The following TEP1 variants were observed in gnomAD, a reference collection of about 807,000 sequenced individuals.
TEP1 encodes the protein telomerase associated protein 1.
TEP1 carries 241 observed loss-of-function variants against 306.3 expected under a neutral mutation model. The ratio of observed to expected loss-of-function variants is 0.79; its 90% confidence interval spans 0.71 to 0.88. TEP1 has a LOEUF of 0.88. Ranked by LOEUF, TEP1 falls within the 40% of genes least tolerant of loss-of-function variation. The probability of loss-of-function intolerance (pLI) is 0.00; values close to 1 mark genes in which losing one functional copy is unlikely to be tolerated. For missense variants in TEP1, 3,051 were observed against 3,276.1 expected (o/e 0.93, Z 1.68); for synonymous variants, 1,289 against 1,305.5 (o/e 0.99, Z 0.27).
chr14:20,391,426 C>A (rs1301806813), intron 13 of TEP1, among the ~76,000 whole-genome samples, 173 bp downstream of exon 13: 1 of 152,208 alleles, frequency 6.6e-6, no homozygotes, highest in Non-Finnish European at 1.5e-5. Flanking sequence ...GTTGAAACAA[C>A]ATCCTAGGAA....
intron 10 of TEP1, 35 bp from the exon 11 acceptor site, chr14:20,395,984 G>A: frequency 6.4e-7 from 1 of 1,574,708 alleles, no homozygotes; most frequent in African/African-American, 1.3e-5. Context: ...CATGAGCACA[G>A]GAGCCGGGAG....
At chr14:20,397,764 T>C (rs1255697771) in intron 9 of TEP1, among the ~76,000 whole-genome samples, 1 of 152,106 alleles carries the variant, frequency 6.6e-6, no homozygotes, top group African/African-American at 2.4e-5. Context: ...TTCTTTTCTT[T>C]TTTTTTTGAG....
chr14:20,383,512 G>A lies in TEP1; in HGVS notation c.3843C>T (p.Asp1281=). 1.2e-6 allele frequency: 2 copies of A among 1,614,208 alleles called. No homozygotes were observed. Among genetic ancestry groups the A allele is most frequent in the South Asian group, 1.1e-5 (1 of 91,086 alleles). The change falls in exon 26 of 55, where the codon GAC becomes GAT. Residue 1281 remains aspartate (D), a synonymous_variant. Coordinates refer to ENST00000262715, the MANE Select transcript of TEP1 (RefSeq NM_007110.5). ...LVDQNGQLIS[D]WIPKKLPRCV... is the part of the protein sequence containing the mutation. ...CCCGGGGAAGCTTCTTTGGGATCCA[G>A]TCTGAAATCAGCTGCCCATTCTGGT...
intron 8 of TEP1, 145 bp from the exon 9 acceptor site, chr14:20,401,286 C>T (rs1485269388): frequency 2.2e-6 from 3 of 1,369,422 alleles, no homozygotes; most frequent in African/African-American, 1.5e-5. Flanking sequence ...GTCATGTTTA[C>T]AGGTGAGTCA....
Position 20,387,958 on chromosome 14 carries a change from G to C in TEP1, c.2631C>G (p.Leu877=). The C allele has an allele frequency of 1.2e-6, 2 of 1,614,140 alleles. No individual in the cohort carries two copies. The highest frequency in any genetic ancestry group is 2.2e-5 in the South Asian group (2 of 91,050). Residue 877 remains leucine (L), a synonymous_variant, in exon 18 of 55, where the codon CTC becomes CTG. Transcript: ENST00000262715. ...TTGGAGTGTCCTCTTCCAGTGGCCG[G>C]AGAGACTGGACCCCTGTCTTTCCTG... The part of the protein sequence containing the change: ...PPPGKTGVQS[L]RPLEEDTPSP...
chr14:20,381,720 G>A lies in TEP1; in HGVS notation c.4425-34C>T. The A allele has an allele frequency of 6.4e-7, 1 of 1,561,266 alleles. No homozygotes were observed. Among genetic ancestry groups the A allele is most frequent in the Non-Finnish European group, 8.6e-7 (1 of 1,156,208 alleles). ...GTGTGAGGAAGGGAGAGAGAAGAAG[G>A]AAGAGGCCTGTCAGTGAGCTTCCTG... On this transcript the variant is annotated intron_variant, in intron 30 of 54. Coordinates refer to ENST00000262715, the MANE Select transcript of TEP1 (RefSeq NM_007110.5). This position sits in a 1 kb window ranked among gnomAD's most constrained non-coding sequence, Gnocchi z 4.0.
At chr14:20,378,896 C>T (rs778774549) in intron 36 of TEP1, 43 bp from the exon 37 acceptor site, 2 of 1,613,834 alleles carry the variant, frequency 1.2e-6, no homozygotes, top group South Asian at 2.2e-5. Flanking sequence ...CCCTGGCCAT[C>T]AGCTCCCTCC....
At chr14:20,393,566 T>C (rs1566470217) in intron 12 of TEP1, among the ~76,000 whole-genome samples, 1 of 152,110 alleles carries the variant, frequency 6.6e-6, no homozygotes, top group East Asian at 1.9e-4. Flanking sequence ...CCGAGGTAGT[T>C]GGATCACTTG....
chr14:20,381,980 C>T lies in TEP1; in HGVS notation c.4357G>A (p.Ala1453Thr), dbSNP rs1388587466. Residue 1453 changes from alanine (A) to threonine (T), a missense_variant, in exon 30 of 55, where the codon GCT (alanine) becomes ACT (threonine). By Grantham distance (58) the Ala-to-Thr change is moderately conservative. Around this residue, in one of 3 missense-constraint regions of TEP1, gnomAD observed 1,540 missense variants for 1,705.9 expected, o/e 0.90. Transcript: ENST00000262715. This position sits in a 1 kb window ranked among gnomAD's most constrained non-coding sequence, Gnocchi z 4.0. ...TAGGGGTCTCCACTGTTACCAGCAG[C>T]CACTGCTTCTTCCCAGCTCTTAGTC... ...KGTKSWEEAV[A>T]AGNSGDPYPM... The T allele has an allele frequency of 1.9e-6, 3 of 1,614,056 alleles. No individual in the cohort carries two copies. The African/African-American group carries it at 4.0e-5, about 22-fold the overall frequency.
chr14:20,375,486 A>C (rs975313626), intron 43 of TEP1, among the ~76,000 whole-genome samples: 1 of 152,190 alleles, frequency 6.6e-6, no homozygotes, highest in African/African-American at 2.4e-5. Context: ...TCCCTGGCTC[A>C]GCTTCATCAT....
At position 20,401,094 on chromosome 14, in the gene TEP1, G is replaced by C; in HGVS notation, c.1439C>G (p.Pro480Arg). ...QLFSRSRLPG[P>R]WDSSRAGKRM... ...CTTCCCAGCTCTGCTAGAATCCCAA[G>C]GCCCAGGAAGGCGACTTCGAGAAAA... The change falls in exon 9 of 55, where the codon CCT becomes CGT. Residue 480 changes from proline to arginine, a missense_variant. By Grantham distance (103) the Pro-to-Arg change is moderately radical. This residue lies in a region of TEP1 where 1,507 missense variants were observed against 1,550.5 expected (regional missense o/e 0.97). Coordinates refer to ENST00000262715, the MANE Select transcript of TEP1 (RefSeq NM_007110.5). The C allele has an allele frequency of 6.2e-6, 10 of 1,614,174 alleles. No individual in the cohort carries two copies. Among genetic ancestry groups the C allele is most frequent in the Non-Finnish European group, 8.5e-6 (10 of 1,180,036 alleles).
intron 12 of TEP1, among the ~76,000 whole-genome samples, chr14:20,393,702 G>T (rs1437696746): frequency 6.6e-6 from 1 of 151,882 alleles, no homozygotes; most frequent in Non-Finnish European, 1.5e-5. Flanking sequence ...TGAGGCACGA[G>T]AATCACTTGA....
chr14:20,378,688 G>A, intron 37 of TEP1, 66 bp downstream of exon 37: 1 of 1,590,486 alleles, frequency 6.3e-7, no homozygotes, highest in Non-Finnish European at 8.6e-7. Context: ...CGCACTGAGA[G>A]AACAAATTCA....
At position 20,403,761 on chromosome 14, in the gene TEP1, G is replaced by A. The variant is rs201304686; in HGVS notation, c.1156C>T (p.Arg386Trp). The A allele has an allele frequency of 4.6e-5, 75 of 1,614,100 alleles. No individual in the cohort carries two copies. The highest frequency in any genetic ancestry group is 4.0e-4 in the Admixed American group (24 of 60,016). Residue 386 changes from arginine (R) to tryptophan (W), a missense_variant, in exon 6 of 55, where the codon CGG becomes TGG. Around this residue, in one of 3 missense-constraint regions of TEP1, gnomAD observed 1,507 missense variants for 1,550.5 expected, o/e 0.97. Coordinates refer to ENST00000262715, the MANE Select transcript of TEP1 (RefSeq NM_007110.5). ...QLAKYNPRKH[R>W]AKRHPRRPPR... The stretch of plus-strand genomic sequence containing the variant: ...GGCCGGCGGGGGTGTCTCTTGGCCC[G>A]GTGCTTCCGAGGGTTGTACTTAGCC...
chr14:20,383,287 C>G lies in TEP1; in HGVS notation c.3934G>C (p.Gly1312Arg). ...GLGETLEQSQ[G>R]AHVLALGPLE... is the part of the protein sequence containing the mutation. ...GGCCCCAAGGCCAGCACGTGGGCACCCTGGCTCTGCTCAAGGGTCTCCCCT... is the reference window on the plus strand; with the variant it reads ...GGCCCCAAGGCCAGCACGTGGGCACGCTGGCTCTGCTCAAGGGTCTCCCCT... The change falls in exon 27 of 55, where the codon GGT (glycine) becomes CGT (arginine). Residue 1312 changes from glycine (G) to arginine (R), a missense_variant. Around this residue, in one of 3 missense-constraint regions of TEP1, gnomAD observed 1,540 missense variants for 1,705.9 expected, o/e 0.90. Coordinates refer to ENST00000262715, the MANE Select transcript of TEP1 (RefSeq NM_007110.5). The G allele has an allele frequency of 6.2e-7, 1 of 1,613,240 alleles. No individual in the cohort carries two copies. Among genetic ancestry groups the G allele is most frequent in the Non-Finnish European group, 8.5e-7 (1 of 1,179,658 alleles).
Position 20,404,747 on chromosome 14 carries a change from A to G in TEP1, c.896T>C (p.Leu299Pro), listed in dbSNP as rs755747395. 4 of 1,612,576 alleles carry G rather than the reference A, an allele frequency of 2.5e-6. No individual in the cohort carries two copies. Among genetic ancestry groups the G allele is most frequent in the Non-Finnish European group, 3.4e-6 (4 of 1,179,112 alleles). Residue 299 changes from leucine to proline, a missense_variant, in exon 5 of 55, where the codon CTG (leucine) becomes CCG (proline). Physicochemically the swap from Leu to Pro is moderately conservative, Grantham distance 98 (BLOSUM62 -3). Transcript: ENST00000262715. ...LKASLYARQQ[L>P]NVRNVANNIL... is the part of the protein sequence containing the mutation. ...GTTATTGGCCACATTCCGGACGTTC[A>G]GCTGCTGCCTGGCATACAAAGATGC... is the stretch of plus-strand genomic sequence containing the variant.
At position 20,389,070 on chromosome 14, in the gene TEP1, C is replaced by T. The variant is rs569636217; in HGVS notation, c.2525+168G>A. Among the ~76,000 whole-genome samples the T allele has an allele frequency of 5.9e-5, 9 of 152,020 alleles. 1 individual carries two copies. The South Asian group carries it at 1.9e-3, about 32-fold the overall frequency. ...GGCGGAGGCAGGAGGATCGCTTGAACCCAGGAGATGGAGGTTGCAGTGAGC... is the reference window on the plus strand; with the variant it reads ...GGCGGAGGCAGGAGGATCGCTTGAATCCAGGAGATGGAGGTTGCAGTGAGC... On this transcript the variant is annotated intron_variant, in intron 17 of 54. Coordinates refer to ENST00000262715, the MANE Select transcript of TEP1 (RefSeq NM_007110.5).
Position 20,408,085 on chromosome 14 carries a change from TTAGAC to T in TEP1, c.350_354del (p.Ser117LysfsTer22), listed in dbSNP as rs1462224396. ...AAGGGGCTGGCAGACACAGTGCTCT[TTAGAC>T]TAGAGAGGGTGGCCAGGCACCGGTT... On this transcript the variant is annotated frameshift_variant, in exon 2 of 55. Transcript: ENST00000262715. LOFTEE classifies it high-confidence loss of function. The T allele has an allele frequency of 1.2e-6, 2 of 1,614,072 alleles. No individual in the cohort carries two copies. The highest frequency in any genetic ancestry group is 2.7e-5 in the African/African-American group (2 of 75,014).
intron 9 of TEP1, 79 bp downstream of exon 9, chr14:20,400,905 A>G: frequency 6.5e-7 from 1 of 1,531,902 alleles, no homozygotes; most frequent in Non-Finnish European, 8.9e-7. Context: ...TTCCACAGAA[A>G]TCTTCTAGTG....
Sources: gnomAD v4.1 joint callset for allele counts (sites outside exome capture counted in the v4.1 genomes callset) on GRCh38, gnomAD v4.1.1 for gene constraint, gnomAD v4.1.1 regional missense constraint, Gnocchi (gnomAD v3.1) non-coding constraint, MANE v1.5 for transcripts, NCBI Gene and HGNC (gene_info 2026-07-23, HGNC 2026-07-21) for gene names.